Variants in MALRD1 observed in about 807,000 individuals in gnomAD.
The protein encoded by MALRD1 is MAM and LDL receptor class A domain containing 1, also known as MAM and LDL-receptor class A domain-containing protein 1.
Under a neutral mutation model 242.1 loss-of-function variants are expected in MALRD1, and 247 were observed. The observed-to-expected ratio is 1.02, with a 90% CI of 0.92 to 1.13. The LOEUF is 1.13. Among genes scored for constraint, MALRD1 ranks in the 50% most tolerant of loss-of-function variants. The pLI is 0.00. For synonymous variants in MALRD1, 995 were observed against 866.6 expected, an observed-to-expected ratio of 1.15 and a Z score of -2.60; for missense variants, 2,989 against 2,533.1, an observed-to-expected ratio of 1.18 and a Z score of -3.86.
chr10:19,066,769 C>T lies in MALRD1; in HGVS notation c.250C>T (p.Gln84Ter). 1 of 1,233,612 alleles carries T rather than the reference C, an allele frequency of 8.1e-7. No homozygotes were observed. Among genetic ancestry groups the T allele is most frequent in the Non-Finnish European group, 1.0e-6 (1 of 987,944 alleles). 76.4% of individuals were successfully genotyped at this position (1,233,612 alleles called of 1,614,324 possible). ...DFEDGLCHMT[Q>*]DQSLQPSWTK... The stretch of plus-strand genomic sequence containing the variant: ...TGAGGATGGTCTCTGTCATATGACT[C>T]AAGATCAGAGTCTGCAACCTAGTTG... The change falls in exon 2 of 40, where the codon CAA (glutamine) becomes TAA (stop). Residue 84 changes from glutamine (Q) to a stop codon, truncating the protein, a stop_gained. Transcript: ENST00000454679. LOFTEE classifies it high-confidence loss of function.
intron 36 of MALRD1, among the ~76,000 whole-genome samples, chr10:19,681,614 G>A (rs1470164637): frequency 6.6e-6 from 1 of 151,884 alleles, no homozygotes; most frequent in Non-Finnish European, 1.5e-5. Flanking sequence ...TGCTCCTTTA[G>A]CTCAACAAAG....
intron 36 of MALRD1, among the ~76,000 whole-genome samples, chr10:19,625,019 T>G (rs1333486505): frequency 6.6e-6 from 1 of 151,590 alleles, no homozygotes; most frequent in African/African-American, 2.4e-5. Flanking sequence ...ATCGCAATAC[T>G]GCACTTTAGC....
intron 22 of MALRD1, 83 bp downstream of exon 22, chr10:19,324,188 G>C: frequency 3.8e-6 from 5 of 1,312,602 alleles, no homozygotes; most frequent in Non-Finnish European, 2.1e-6. Context: ...AATATATTCT[G>C]TTAATAAGTG....
intron 18 of MALRD1, among the ~76,000 whole-genome samples, chr10:19,254,830 A>G (rs1839433380): frequency 6.6e-6 from 1 of 151,968 alleles, no homozygotes. Flanking sequence ...ATTGTGTAAT[A>G]TTTTACAAAT....
intron 23 of MALRD1, among the ~76,000 whole-genome samples, chr10:19,327,978 A>C (rs758195016): frequency 6.6e-6 from 1 of 152,134 alleles, no homozygotes; most frequent in Admixed American, 6.6e-5. Flanking sequence ...TTTTGCAAAT[A>C]TATTCTCAGA....
chr10:19,324,200 A>C, intron 22 of MALRD1, 95 bp downstream of exon 22: 1 of 1,225,638 alleles, frequency 8.2e-7, no homozygotes, highest in Non-Finnish European at 1.1e-6. Context: ...TAATAAGTGA[A>C]AATGGACAAT....
chr10:19,171,449 TATATATATAC>T (rs368844624), intron 13 of MALRD1, among the ~76,000 whole-genome samples: 23,370 of 133,238 alleles, frequency 0.18, 3,262 homozygotes, highest in Admixed American at 0.28. Context: ...TATATATATA[TATATATATAC>T]ACACATGTAT....
At chr10:19,583,601 C>T (rs562461783) in intron 33 of MALRD1, among the ~76,000 whole-genome samples, 47 of 151,830 alleles carry the variant, frequency 3.1e-4, no homozygotes, top group African/African-American at 3.6e-4. Context: ...ATAAGCTTTT[C>T]GATGTGCTGC....
intron 4 of MALRD1, among the ~76,000 whole-genome samples, chr10:19,101,479 G>T (rs1456262385): frequency 7.4e-6 from 1 of 134,314 alleles, no homozygotes; most frequent in African/African-American, 2.7e-5. Flanking sequence ...ATTAATACTT[G>T]TATATTATAT....
chr10:19,420,452 G>A (rs892418780), intron 28 of MALRD1, among the ~76,000 whole-genome samples: 2 of 151,180 alleles, frequency 1.3e-5, no homozygotes, highest in African/African-American at 4.9e-5. Context: ...ATCTTCATAA[G>A]GAAAAACAAT....
intron 33 of MALRD1, among the ~76,000 whole-genome samples, chr10:19,571,844 A>C (rs1296007690): frequency 6.6e-6 from 1 of 152,122 alleles, no homozygotes; most frequent in African/African-American, 2.4e-5. Flanking sequence ...TTAACAGATA[A>C]TTTTCTTAAG....
In MALRD1 at chr10:19,341,078, C is replaced by T. The variant is rs150649244; in HGVS notation, c.3902-6693C>T. Among the ~76,000 whole-genome samples, 1,221 of 151,678 alleles carry T rather than the reference C, an allele frequency of 8.0e-3. 15 individuals carry two copies. Among genetic ancestry groups the T allele is most frequent in the Non-Finnish European group, 0.014 (922 of 67,924 alleles). On this transcript the variant is annotated intron_variant, in intron 24 of 39. Transcript: ENST00000454679. ...GCAAATATTTATTGGTTTTAATATT[C>T]GATATTAATTTTTTAACCATTAGCA...
At chr10:19,190,578 A>C (rs575057290) in intron 14 of MALRD1, among the ~76,000 whole-genome samples, 1 of 152,218 alleles carries the variant, frequency 6.6e-6, no homozygotes, top group South Asian at 2.1e-4. Context: ...ACAGTATGGT[A>C]CTGCCAAAAA....
At chr10:19,447,837 ATCT>A (rs751264275) in intron 28 of MALRD1, among the ~76,000 whole-genome samples, 7 of 152,204 alleles carry the variant, frequency 4.6e-5, no homozygotes, top group Non-Finnish European at 8.8e-5. Context: ...AGAAGGACTT[ATCT>A]TCTTTAGTCA....
chr10:19,330,640 T>A (rs531257737), intron 23 of MALRD1, among the ~76,000 whole-genome samples: 106 of 152,306 alleles, frequency 7.0e-4, no homozygotes, highest in Non-Finnish European at 1.4e-3. Flanking sequence ...GAAACAACAT[T>A]CATTTTTATT....
Position 19,462,011 on chromosome 10 carries a change from C to G in MALRD1, c.5029+11521C>G, listed in dbSNP as rs931825753. Among the ~76,000 whole-genome samples the G allele has an allele frequency of 1.8e-4, 27 of 152,122 alleles. 1 individual carries two copies. Among genetic ancestry groups the G allele is most frequent in the Admixed American group, 1.8e-3 (27 of 15,272 alleles). On this transcript the variant is annotated intron_variant, in intron 29 of 39. Coordinates refer to ENST00000454679, the MANE Select transcript of MALRD1 (RefSeq NM_001142308.3). ...CTTGGGTCAAATGGTCACCCTCAGA[C>G]TAGTTATTGTAGAGAGACGGCAGGA...
rs372121835 is a variant in MALRD1, at chr10:19,373,115, A to G, written c.4442-14413A>G. On this transcript the variant is annotated intron_variant, in intron 26 of 39. Coordinates refer to ENST00000454679, the MANE Select transcript of MALRD1 (RefSeq NM_001142308.3). ...GGAGAAAAAATAATTCATTGATGAA[A>G]TTTCAGTAGACAAAGCAGAAAAATA... Among the ~76,000 whole-genome samples, 4 of 150,772 alleles carry G rather than the reference A, an allele frequency of 2.7e-5. No individual in the cohort carries two copies. The East Asian group carries it at 5.8e-4, about 22-fold the overall frequency.
chr10:19,649,625 A>G lies in MALRD1; in HGVS notation c.6137+33702A>G, dbSNP rs566291228. On this transcript the variant is annotated intron_variant, in intron 36 of 39. Coordinates refer to ENST00000454679, the MANE Select transcript of MALRD1 (RefSeq NM_001142308.3). ...TTTAAGTTCCTTATAGATTCTGGAT[A>G]TTAAACCTTTGTCAGATGCATAGTT... 6.6e-5 allele frequency among the ~76,000 whole-genome samples: 10 copies of G among 152,236 alleles called. No individual in the cohort carries two copies. In the South Asian group the frequency reaches 1.4e-3, roughly 22 times the overall value.
intron 36 of MALRD1, among the ~76,000 whole-genome samples, chr10:19,686,545 G>T (rs931301053): frequency 6.6e-6 from 1 of 152,142 alleles, no homozygotes; most frequent in African/African-American, 2.4e-5. Flanking sequence ...CTGATCTCCA[G>T]TTTCAGGTGT....
Sources: gnomAD v4.1 joint callset for allele counts (sites outside exome capture counted in the v4.1 genomes callset) on GRCh38, gnomAD v4.1.1 for gene constraint, MANE v1.5 for transcripts, NCBI Gene and HGNC (gene_info 2026-07-23, HGNC 2026-07-21) for gene names.